LRRC63: variants seen among roughly 807,000 people sequenced by gnomAD.
LRRC63 encodes leucine rich repeat containing 63.
Under a neutral mutation model 49.5 loss-of-function variants are expected in LRRC63, and 40 were observed. That is an observed-to-expected ratio of 0.81 (90% CI 0.63 to 1.05). The LOEUF is 1.05. LRRC63 is among the 50% of genes least tolerant of loss of function. LRRC63 has a pLI of 0.00. For missense variants in LRRC63, 636 were observed against 663.1 expected, an observed-to-expected ratio of 0.96 and a Z score of 0.45; for synonymous variants, 191 against 221.1, an observed-to-expected ratio of 0.86 and a Z score of 1.21.
At chr13:46,246,953 AAAAC>A (rs1324951600) in intron 6 of LRRC63, among the ~76,000 whole-genome samples, 3 of 152,166 alleles carry the variant, frequency 2.0e-5, no homozygotes, top group African/African-American at 7.2e-5. Context: ...AGAAGCTTTA[AAAAC>A]AAAGTAAACA....
chr13:46,220,038 C>T (rs2046359837), intron 2 of LRRC63, among the ~76,000 whole-genome samples: 1 of 152,184 alleles, frequency 6.6e-6, no homozygotes, highest in Non-Finnish European at 1.5e-5. Flanking sequence ...AGATGTCTGT[C>T]GACCCCTGCT....
At chr13:46,270,561 C>T (rs778042636) in intron 9 of LRRC63, 21 of 860,476 alleles carry the variant, frequency 2.4e-5, no homozygotes, top group Non-Finnish European at 3.6e-5. Context: ...GGGTTACTGA[C>T]ACAAAAACGG....
chr13:46,267,111 A>C (rs914425795), intron 9 of LRRC63, 139 bp downstream of exon 9: 4 of 798,042 alleles, frequency 5.0e-6, no homozygotes, highest in Non-Finnish European at 7.5e-6. Context: ...ACAATTCTTC[A>C]AATCGCTCCA....
At chr13:46,232,643 A>AAGAT (rs1225388542) in intron 4 of LRRC63, among the ~76,000 whole-genome samples, 1 of 152,192 alleles carries the variant, frequency 6.6e-6, no homozygotes, top group Non-Finnish European at 1.5e-5. Flanking sequence ...CGTTGAGAGA[A>AAGAT]AGATAGAGAG....
intron 7 of LRRC63, among the ~76,000 whole-genome samples, chr13:46,254,800 T>C (rs1225771415): frequency 6.6e-6 from 1 of 152,184 alleles, no homozygotes; most frequent in East Asian, 1.9e-4. Flanking sequence ...GTGACACGAA[T>C]CTGCATTTCT....
chr13:46,250,222 A>T, intron 6 of LRRC63, 133 bp from the exon 7 acceptor site: 1 of 748,664 alleles, frequency 1.3e-6, no homozygotes. Flanking sequence ...GTGTTTACTG[A>T]GTTACATGAT....
chr13:46,234,830 A>G (rs985008783), intron 5 of LRRC63, among the ~76,000 whole-genome samples: 2 of 152,318 alleles, frequency 1.3e-5, no homozygotes, highest in Non-Finnish European at 2.9e-5. Context: ...TAATGAAAGT[A>G]ACTTGTATAA....
At chr13:46,270,493 T>C (rs776787037) in intron 9 of LRRC63, 1 of 784,518 alleles carries the variant, frequency 1.3e-6, no homozygotes, top group Middle Eastern at 2.3e-4. Flanking sequence ...AAGCCATCAC[T>C]GAAGGCTACA....
At chr13:46,219,040 C>A (rs1312528791) in intron 2 of LRRC63, among the ~76,000 whole-genome samples, 1 of 152,214 alleles carries the variant, frequency 6.6e-6, no homozygotes, top group Non-Finnish European at 1.5e-5. Context: ...AACATTTTTT[C>A]CTTCATTTCA....
chr13:46,227,581 A>G, exon 3 of LRRC63: 2 of 1,549,690 alleles, frequency 1.3e-6, no homozygotes, highest in Non-Finnish European at 1.7e-6. Flanking sequence ...ATTAAAATGG[A>G]TAGAACTCGT....
rs1035048897 is a variant in LRRC63 at position 46,228,209 on chromosome 13, G to C, written c.763+20G>C. The C allele has an allele frequency of 2.0e-6, 3 of 1,499,756 alleles. No individual in the cohort carries two copies. In the South Asian group the frequency reaches 3.9e-5, roughly 19 times the overall value. 92.9% of individuals were successfully genotyped at this position (1,499,756 alleles called of 1,614,324 possible). On this transcript the variant is annotated intron_variant, in intron 3 of 9. Coordinates refer to ENST00000595396, the Ensembl canonical transcript of LRRC63. The stretch of plus-strand genomic sequence containing the variant: ...TGATAGGTAAATACAATCTGAACAC[G>C]GTATAATTATAGAGTCAAGTAGAGC...
intron 2 of LRRC63, among the ~76,000 whole-genome samples, chr13:46,222,433 G>A (rs888523934): frequency 6.6e-6 from 1 of 152,184 alleles, no homozygotes; most frequent in African/African-American, 2.4e-5. Flanking sequence ...CGAGTTGATT[G>A]TTGTATATGG....
chr13:46,270,681 T>C, intron 9 of LRRC63: 1 of 718,590 alleles, frequency 1.4e-6, no homozygotes, highest in South Asian at 1.4e-5. Flanking sequence ...AAACCATCAG[T>C]GCACGAAAGG....
At chr13:46,248,442 A>G (rs940928205) in intron 6 of LRRC63, among the ~76,000 whole-genome samples, 1 of 152,012 alleles carries the variant, frequency 6.6e-6, no homozygotes, top group African/African-American at 2.4e-5. Context: ...GTTGAAGCCA[A>G]AAGCATGAGA....
rs145567727 is a variant in LRRC63 at position 46,225,637 on chromosome 13, C to T, written c.86-1875C>T. Reference sequence around the variant, plus strand: ...TTTGTTTTAATAGAGAGAAAATGAACTTAAATATATTGGTATAGCTATTTT... The same window carrying T: ...TTTGTTTTAATAGAGAGAAAATGAATTTAAATATATTGGTATAGCTATTTT... On this transcript the variant is annotated intron_variant, in intron 2 of 9. Transcript: ENST00000595396. Among the ~76,000 whole-genome samples, 178 of 152,270 alleles carry T rather than the reference C, an allele frequency of 1.2e-3. 1 individual carries two copies. The highest frequency in any genetic ancestry group is 4.1e-3 in the African/African-American group (170 of 41,548).
chr13:46,227,747 C>T (rs901864050), exon 3 of LRRC63: 1 of 1,550,374 alleles, frequency 6.5e-7, no homozygotes, highest in Non-Finnish European at 8.7e-7. Flanking sequence ...CTACTGGTTC[C>T]ATATTTTTTC....
chr13:46,225,192 G>A (rs1462349660), intron 2 of LRRC63, among the ~76,000 whole-genome samples: 1 of 152,226 alleles, frequency 6.6e-6, no homozygotes, highest in African/African-American at 2.4e-5. Flanking sequence ...TGTGCTACAG[G>A]TCACCACCCA....
intron 9 of LRRC63, among the ~76,000 whole-genome samples, chr13:46,275,936 A>T (rs1348668331): frequency 6.6e-6 from 1 of 152,150 alleles, no homozygotes; most frequent in Admixed American, 6.5e-5. Context: ...TTGTTTAAAT[A>T]CTTAAACATA....
intron 2 of LRRC63, among the ~76,000 whole-genome samples, chr13:46,215,018 G>T (rs2046208449): frequency 6.6e-6 from 1 of 152,204 alleles, no homozygotes; most frequent in Non-Finnish European, 1.5e-5. Flanking sequence ...ATCACTGACA[G>T]GCATTTGGGT....
Sources: allele counts gnomAD v4.1 joint callset (sites outside exome capture counted in the v4.1 genomes callset), GRCh38; gene constraint gnomAD v4.1.1; transcripts MANE v1.5; gene names NCBI Gene and HGNC (gene_info 2026-07-23, HGNC 2026-07-21).